The following DLGAP2 variants were observed in gnomAD, a reference collection of about 807,000 sequenced individuals.
DLGAP2 encodes DLG associated protein 2, also known as disks large-associated protein 2.
Under a neutral mutation model 100.3 loss-of-function variants are expected in DLGAP2, and 26 were observed. The ratio of observed to expected loss-of-function variants is 0.26; its 90% CI spans 0.19 to 0.36. The LOEUF (loss-of-function observed/expected upper bound fraction) is 0.36. Among genes scored for constraint, DLGAP2 ranks in the 10% least tolerant of loss-of-function variants. The pLI is 1.00. For missense variants in DLGAP2, 1,858 were observed against 1,453.2 expected (o/e 1.28, Z -4.53); for synonymous variants, 886 against 630.1 (o/e 1.41, Z -6.08).
rs551613490 is a variant in DLGAP2 at position 1,390,225 on chromosome 8, G to C, written c.107-111141G>C. On this transcript the variant is annotated intron_variant, in intron 3 of 14. Coordinates refer to ENST00000637795, the MANE Select transcript of DLGAP2 (RefSeq NM_001346810.2). ...GATCTCTGCCATAGTAATCATGTTG[G>C]TGAAAACCAGATGGGAGCCTCTCAT... Among the ~76,000 whole-genome samples the C allele has an allele frequency of 7.2e-5, 11 of 152,278 alleles. No individual in the cohort carries two copies. The East Asian group carries it at 1.7e-3, about 24-fold the overall frequency.
At chr8:1,528,057 C>T (rs1259474012) in intron 4 of DLGAP2, among the ~76,000 whole-genome samples, 4 of 152,256 alleles carry the variant, frequency 2.6e-5, no homozygotes, top group African/African-American at 9.6e-5. Context: ...CTTTGCCTCT[C>T]CTGGAGGAAC....
At chr8:1,571,587 G>A (rs1167399669) in intron 6 of DLGAP2, among the ~76,000 whole-genome samples, 2 of 125,222 alleles carry the variant, frequency 1.6e-5, no homozygotes, top group Non-Finnish European at 3.3e-5. Flanking sequence ...GGAGAGGGGT[G>A]AACTGGAGGG....
chr8:1,602,934 A>C (rs1421348468), intron 6 of DLGAP2, among the ~76,000 whole-genome samples: 1 of 152,182 alleles, frequency 6.6e-6, no homozygotes, highest in Non-Finnish European at 1.5e-5. Context: ...AATTCAACAG[A>C]ATGAGGGGGT....
chr8:1,682,503 C>A (rs951166625), intron 12 of DLGAP2, among the ~76,000 whole-genome samples: 15 of 149,826 alleles, frequency 1.0e-4, no homozygotes, highest in African/African-American at 3.7e-4. Flanking sequence ...GAGAGGGAGT[C>A]TTGCTCTTTC....
At chr8:1,563,355 G>C (rs548006488) in intron 5 of DLGAP2, among the ~76,000 whole-genome samples, 1 of 34,516 alleles carries the variant, frequency 2.9e-5, no homozygotes, top group African/African-American at 1.5e-4. Flanking sequence ...GGGTGTCCGC[G>C]CCTCATTACT....
At chr8:904,462 G>A (rs1288156878) in intron 1 of DLGAP2, among the ~76,000 whole-genome samples, 2 of 152,214 alleles carry the variant, frequency 1.3e-5, no homozygotes, top group Non-Finnish European at 2.9e-5. Context: ...GGAGGTTGCA[G>A]TGAGCTGGGA....
At chr8:963,160 C>T (rs955280625) in intron 2 of DLGAP2, among the ~76,000 whole-genome samples, 9 of 152,294 alleles carry the variant, frequency 5.9e-5, no homozygotes, top group Non-Finnish European at 1.0e-4. Context: ...GGAGAGTCCA[C>T]ACCCAGGAAG....
chr8:1,029,193 G>C (rs1383886040), intron 2 of DLGAP2, among the ~76,000 whole-genome samples: 2 of 152,176 alleles, frequency 1.3e-5, no homozygotes, highest in Non-Finnish European at 2.9e-5. Context: ...GGGCTCTGTA[G>C]AAAGTCCACA....
intron 2 of DLGAP2, among the ~76,000 whole-genome samples, chr8:1,066,688 T>C (rs769396986): frequency 7.3e-5 from 11 of 151,548 alleles, no homozygotes; most frequent in Admixed American, 4.6e-4. Flanking sequence ...TTCCCCACCA[T>C]GGTCAAGTCT....
chr8:1,111,626 A>G (rs559500887), intron 2 of DLGAP2, among the ~76,000 whole-genome samples: 3 of 152,156 alleles, frequency 2.0e-5, no homozygotes, highest in South Asian at 2.1e-4. Context: ...CTCATTATTT[A>G]GATCCCACTT....
intron 3 of DLGAP2, among the ~76,000 whole-genome samples, chr8:1,286,517 A>G (rs1008243048): frequency 1.3e-5 from 2 of 152,192 alleles, no homozygotes; most frequent in African/African-American, 4.8e-5. Flanking sequence ...AGGACATTGC[A>G]TAAATGGAGG....
At chr8:867,096 T>G (rs1181201481) in intron 1 of DLGAP2, among the ~76,000 whole-genome samples, 1 of 152,220 alleles carries the variant, frequency 6.6e-6, no homozygotes, top group Non-Finnish European at 1.5e-5. Flanking sequence ...CTGATTCGTG[T>G]GCCGCCTACC....
At position 1,282,875 on chromosome 8, in the gene DLGAP2, C is replaced by T. The variant is rs1230635549; in HGVS notation, c.106+23992C>T. Among the ~76,000 whole-genome samples the T allele has an allele frequency of 2.8e-3, 308 of 108,512 alleles. 12 individuals carry two copies. In the Admixed American group the frequency reaches 0.03, roughly 11 times the overall value. 71.2% of individuals were successfully genotyped at this position (108,512 alleles called of 152,430 possible). A position where few individuals can be genotyped will look rare whatever the true frequency, so the allele number is the denominator to read the frequency against. ...CGGACGTGGTGTGACCTGAACCCAG[C>T]GCCCTGAACCATCCGGACGTGGTGT... is the stretch of plus-strand genomic sequence containing the variant. On this transcript the variant is annotated intron_variant, in intron 3 of 14. Transcript: ENST00000637795.
At chr8:1,569,540 G>C (rs1020312979) in intron 6 of DLGAP2, among the ~76,000 whole-genome samples, 7 of 152,094 alleles carry the variant, frequency 4.6e-5, no homozygotes, top group African/African-American at 1.7e-4. Context: ...ACACATTTTT[G>C]CTGTTGCCTA....
chr8:1,341,050 TAGAG>T (rs1801405695), intron 3 of DLGAP2, among the ~76,000 whole-genome samples: 1 of 151,774 alleles, frequency 6.6e-6, no homozygotes, highest in Non-Finnish European at 1.5e-5. Flanking sequence ...CACGGACACA[TAGAG>T]GGGAACAACA....
intron 2 of DLGAP2, among the ~76,000 whole-genome samples, chr8:1,115,796 A>T (rs1340362977): frequency 1.3e-5 from 2 of 152,184 alleles, no homozygotes; most frequent in Non-Finnish European, 2.9e-5. Context: ...CACAAATGAC[A>T]GTTTTCGAAT....
At chr8:1,147,926 C>T (rs1796634924) in intron 2 of DLGAP2, among the ~76,000 whole-genome samples, 1 of 152,134 alleles carries the variant, frequency 6.6e-6, no homozygotes, top group Non-Finnish European at 1.5e-5. Context: ...TTTACGTTTA[C>T]AACAGATTGT....
chr8:1,314,952 C>T (rs574591794), intron 3 of DLGAP2, among the ~76,000 whole-genome samples: 1 of 152,342 alleles, frequency 6.6e-6, no homozygotes, highest in East Asian at 1.9e-4. Context: ...CGCAAGATGC[C>T]CTCTGAAAGG....
chr8:1,024,645 A>T (rs79470988), intron 2 of DLGAP2, among the ~76,000 whole-genome samples: 4,099 of 152,260 alleles, frequency 0.027, 201 homozygotes, highest in African/African-American at 0.094. Context: ...AGACAGAACT[A>T]AAACTAAAAG....
Sources: gnomAD v4.1 joint callset for allele counts (sites outside exome capture counted in the v4.1 genomes callset) on GRCh38, gnomAD v4.1.1 for gene constraint, MANE v1.5 for transcripts, NCBI Gene and HGNC (gene_info 2026-07-23, HGNC 2026-07-21) for gene names.